Variants in SEMA3D observed in about 807,000 individuals in gnomAD.
SEMA3D encodes semaphorin 3D.
SEMA3D carries 84 observed loss-of-function variants against 100.1 expected under a neutral mutation model. The ratio of observed to expected loss-of-function variants is 0.84; its 90% CI spans 0.70 to 1.01. The LOEUF is 1.01. Among genes scored for constraint, SEMA3D ranks in the 50% least tolerant of loss-of-function variants. SEMA3D has a pLI of 0.00. For missense variants in SEMA3D, 875 were observed against 934.1 expected (o/e 0.94, Z 0.82); for synonymous variants, 312 against 320.7 (o/e 0.97, Z 0.29).
chr7:85,244,113 A>G, the SEMA3D span, among the ~76,000 whole-genome samples: 6 of 152,206 alleles, frequency 3.9e-5, no homozygotes, highest in African/African-American at 1.2e-4. Flanking sequence ...CTCATGGATG[A>G]TAAGTCTAAG....
At chr7:85,024,989 G>T (rs1385973209) in intron 12 of SEMA3D, among the ~76,000 whole-genome samples, 2 of 151,178 alleles carry the variant, frequency 1.3e-5, no homozygotes, top group Non-Finnish European at 3.0e-5. Flanking sequence ...CATCTAAAGC[G>T]GATGGTCATT....
intron 4 of SEMA3D, among the ~76,000 whole-genome samples, chr7:85,087,935 T>C (rs1329515045): frequency 6.6e-6 from 1 of 152,164 alleles, no homozygotes; most frequent in African/African-American, 2.4e-5. Context: ...CCTCCTTAAA[T>C]AGGCTTTGTG....
At chr7:85,056,584 T>C (rs1373455953) in intron 8 of SEMA3D, among the ~76,000 whole-genome samples, 2 of 150,274 alleles carry the variant, frequency 1.3e-5, no homozygotes, top group East Asian at 1.9e-4. Context: ...TGTGTATATA[T>C]GCTATATATA....
chr7:85,063,918 C>T (rs896739874), intron 8 of SEMA3D, among the ~76,000 whole-genome samples: 28 of 152,196 alleles, frequency 1.8e-4, no homozygotes, highest in African/African-American at 6.3e-4. Context: ...CTATGCAGGC[C>T]ACAAGGGTAG....
At chr7:85,038,059 A>T (rs869211511) in intron 11 of SEMA3D, among the ~76,000 whole-genome samples, 1 of 3,744 alleles carries the variant, frequency 2.7e-4, no homozygotes, top group Non-Finnish European at 5.3e-4. Context: ...GGTGGGGGGG[A>T]GGGGGGAGGG....
At chr7:85,114,951 C>T (rs1254682340) in intron 3 of SEMA3D, among the ~76,000 whole-genome samples, 1 of 152,094 alleles carries the variant, frequency 6.6e-6, no homozygotes. Context: ...ATTACAAAGA[C>T]AATTTATCAC....
rs112202280 is a variant in SEMA3D, at chr7:85,185,877, A to G, written c.-173+801T>C. 3.7e-3 allele frequency among the ~76,000 whole-genome samples: 570 copies of G among 152,300 alleles called. 3 individuals carry two copies. The highest frequency in any genetic ancestry group is 0.013 in the African/African-American group (546 of 41,554). On this transcript the variant is annotated intron_variant, in intron 1 of 18. Transcript: ENST00000284136. ...CCCTGGGGACCGCACTCCTGGTTAA[A>G]TGCCCAGCACGAGTCAAATCCGGCC...
chr7:85,162,754 A>C (rs1269817190), intron 1 of SEMA3D, among the ~76,000 whole-genome samples: 2 of 152,168 alleles, frequency 1.3e-5, no homozygotes, highest in Non-Finnish European at 2.9e-5. Context: ...AACTGAAAAC[A>C]AGCATATGCA....
intron 5 of SEMA3D, among the ~76,000 whole-genome samples, chr7:85,079,000 G>T (rs1787972015): frequency 6.6e-6 from 1 of 152,128 alleles, no homozygotes; most frequent in Non-Finnish European, 1.5e-5. Flanking sequence ...GAAATAACTT[G>T]AAGGATATAG....
chr7:85,166,510 T>G (rs116174456), intron 1 of SEMA3D, among the ~76,000 whole-genome samples: 114 of 152,114 alleles, frequency 7.5e-4, no homozygotes, highest in African/African-American at 2.7e-3. Flanking sequence ...GAGGTATTAC[T>G]AAGGACCAGA....
chr7:85,222,621 C>T, the SEMA3D span, among the ~76,000 whole-genome samples: 4 of 152,056 alleles, frequency 2.6e-5, no homozygotes, highest in Non-Finnish European at 5.9e-5. Flanking sequence ...CCAACCTCAA[C>T]TGGTCAAGGC....
Position 84,996,493 on chromosome 7 carries a change from G to A in SEMA3D, c.*2947C>T, listed in dbSNP as rs533328837. 1 of 152,080 alleles carries A rather than the reference G, an allele frequency of 6.6e-6. No homozygotes were observed. Among genetic ancestry groups the A allele is most frequent in the East Asian group, 1.9e-4 (1 of 5,182 alleles). The allele number at this position is 152,080 out of a possible 1,614,324, so 9.4% of individuals were successfully genotyped here. ...TACTTTTCCATTTCTTAAGTAATTTGGTTGGTTTCCAAAAGTCAATAATGT... is the reference window on the plus strand; with the variant it reads ...TACTTTTCCATTTCTTAAGTAATTTAGTTGGTTTCCAAAAGTCAATAATGT... On this transcript the variant is annotated 3_prime_UTR_variant, in exon 19 of 19. Coordinates refer to ENST00000284136, the MANE Select transcript of SEMA3D (RefSeq NM_001384900.1).
chr7:85,031,101 G>A lies in SEMA3D; in HGVS notation c.1191+5788C>T, dbSNP rs183977348. ...TAACATTGCAGAGCAGTGATGTCAT[G>A]GTTAAGCTAGGAGTTTAGGTTTGAC... is the stretch of plus-strand genomic sequence containing the variant. On this transcript the variant is annotated intron_variant, in intron 12 of 18. Coordinates refer to ENST00000284136, the MANE Select transcript of SEMA3D (RefSeq NM_001384900.1). Among the ~76,000 whole-genome samples the A allele has an allele frequency of 3.9e-5, 6 of 152,012 alleles. No individual in the cohort carries two copies. The East Asian group carries it at 1.2e-3, about 30-fold the overall frequency.
chr7:85,042,419 T>G, intron 9 of SEMA3D, 134 bp from the exon 10 acceptor site: 1 of 651,896 alleles, frequency 1.5e-6, no homozygotes. Flanking sequence ...TATTGAGTCC[T>G]TGAACTTTAA....
intron 1 of SEMA3D, chr7:85,162,975 T>C: frequency 1.3e-6 from 1 of 796,156 alleles, no homozygotes; most frequent in Non-Finnish European, 1.5e-6. Flanking sequence ...GGCAGAGGTT[T>C]AGAGGCCGAG....
At chr7:85,037,166 A>T in intron 11 of SEMA3D, 133 bp from the exon 12 acceptor site, 1 of 725,356 alleles carries the variant, frequency 1.4e-6, no homozygotes, top group Non-Finnish European at 2.2e-6. Context: ...CTGTAGACAC[A>T]ATGTGCCTAC....
intron 4 of SEMA3D, among the ~76,000 whole-genome samples, chr7:85,089,638 T>A (rs984350402): frequency 6.6e-6 from 1 of 152,050 alleles, no homozygotes; most frequent in African/African-American, 2.4e-5. Flanking sequence ...CCTAGCACTT[T>A]GGGATTACAA....
chr7:85,016,334 G>A (rs1228610568), intron 15 of SEMA3D, among the ~76,000 whole-genome samples: 1 of 147,286 alleles, frequency 6.8e-6, no homozygotes, highest in Non-Finnish European at 1.5e-5. Flanking sequence ...AAAAGACTTA[G>A]ATATATCTTG....
intron 2 of SEMA3D, among the ~76,000 whole-genome samples, chr7:85,153,213 T>C (rs139101825): frequency 7.2e-5 from 11 of 152,234 alleles, no homozygotes; most frequent in African/African-American, 2.6e-4. Flanking sequence ...TAAACTCTAA[T>C]ATAAGTGAAC....
Sources: allele counts gnomAD v4.1 joint callset (sites outside exome capture counted in the v4.1 genomes callset), GRCh38; gene constraint gnomAD v4.1.1; transcripts MANE v1.5; gene names NCBI Gene and HGNC (gene_info 2026-07-23, HGNC 2026-07-21).